KDM2A: variants seen among roughly 807,000 people sequenced by gnomAD.
KDM2A encodes the protein lysine demethylase 2A, also known as lysine-specific demethylase 2A.
A neutral mutation model predicts 137.3 loss-of-function variants in KDM2A; 3 were observed. The ratio of observed to expected loss-of-function variants is 0.02; its 90% CI spans 0.01 to 0.06. KDM2A has a LOEUF of 0.06. Ranked by LOEUF, KDM2A falls within the 10% of genes least tolerant of loss-of-function variation. The probability of loss-of-function intolerance (pLI) is 1.00; values close to 1 mark genes in which losing one functional copy is unlikely to be tolerated. For synonymous variants in KDM2A, 512 were observed against 541.5 expected (o/e 0.95, Z 0.76); for missense variants, 738 against 1,510.6 (o/e 0.49, Z 8.48).
At chr11:67,177,261 G>A (rs568826233) in intron 2 of KDM2A, among the ~76,000 whole-genome samples, 31 of 152,054 alleles carry the variant, frequency 2.0e-4, no homozygotes, top group Non-Finnish European at 3.7e-4. Context: ...GCAAGACTCC[G>A]TCTCAAAAAA....
chr11:67,188,118 G>A (rs1857252856), intron 5 of KDM2A, among the ~76,000 whole-genome samples: 1 of 152,154 alleles, frequency 6.6e-6, no homozygotes, highest in Non-Finnish European at 1.5e-5. Flanking sequence ...TTGAGCCCAG[G>A]AGTTTGAGGC....
At chr11:67,202,773 C>T (rs1857668356) in intron 5 of KDM2A, among the ~76,000 whole-genome samples, 1 of 150,242 alleles carries the variant, frequency 6.7e-6, no homozygotes, top group Non-Finnish European at 1.5e-5. Context: ...GAGACTTCGT[C>T]TCAAAAAAAA....
intron 2 of KDM2A, among the ~76,000 whole-genome samples, chr11:67,123,721 G>C (rs574591783): frequency 1.3e-4 from 19 of 151,652 alleles, no homozygotes; most frequent in African/African-American, 4.6e-4. Context: ...TTGTCACCCA[G>C]GCTGGTGTCC....
intron 2 of KDM2A, among the ~76,000 whole-genome samples, chr11:67,136,182 TACTC>T (rs1392764336): frequency 6.6e-6 from 1 of 152,192 alleles, no homozygotes; most frequent in African/African-American, 2.4e-5. Flanking sequence ...ATTTTCGATA[TACTC>T]ACTAATTTAA....
intron 2 of KDM2A, among the ~76,000 whole-genome samples, chr11:67,177,871 G>A (rs1256141043): frequency 4.6e-5 from 7 of 152,140 alleles, no homozygotes; most frequent in Non-Finnish European, 1.5e-5. Flanking sequence ...TGCCACAAAC[G>A]AGAGTAATGT....
intron 8 of KDM2A, among the ~76,000 whole-genome samples, chr11:67,216,748 G>T (rs533535725): frequency 2.0e-4 from 31 of 152,054 alleles, no homozygotes; most frequent in Non-Finnish European, 3.8e-4. Context: ...TGGAGAAAGT[G>T]CATCTCTACT....
chr11:67,215,295 C>T (rs1393579126), intron 6 of KDM2A, 45 bp from the exon 7 acceptor site: 1 of 1,299,076 alleles, frequency 7.7e-7, no homozygotes, highest in Non-Finnish European at 1.1e-6. Context: ...TCTTTGACCC[C>T]AACCTTTCCC....
chr11:67,236,770 G>GA (rs1358604254), intron 12 of KDM2A, among the ~76,000 whole-genome samples: 1 of 152,156 alleles, frequency 6.6e-6, no homozygotes, highest in East Asian at 1.9e-4. Flanking sequence ...ATTACAGCCA[G>GA]AAAAAAGTTA....
At chr11:67,153,022 C>G (rs1856430696) in intron 2 of KDM2A, among the ~76,000 whole-genome samples, 1 of 149,292 alleles carries the variant, frequency 6.7e-6, no homozygotes, top group Non-Finnish European at 1.5e-5. Flanking sequence ...TTCACTCTTT[C>G]TGCCCAGGCT....
intron 2 of KDM2A, among the ~76,000 whole-genome samples, chr11:67,146,985 T>TGAAGACA (rs1856263275): frequency 6.6e-6 from 1 of 152,118 alleles, no homozygotes; most frequent in South Asian, 2.1e-4. Flanking sequence ...TGAACCTCAC[T>TGAAGACA]GAAGACTAAG....
chr11:67,166,219 C>T (rs1397380838), intron 2 of KDM2A, among the ~76,000 whole-genome samples: 1 of 145,800 alleles, frequency 6.9e-6, no homozygotes, highest in African/African-American at 2.5e-5. Flanking sequence ...CAGTCTCACT[C>T]TATCGCCTAG....
intron 5 of KDM2A, among the ~76,000 whole-genome samples, chr11:67,195,389 A>AAAT (rs1857454035): frequency 1.3e-5 from 2 of 150,378 alleles, no homozygotes; most frequent in Non-Finnish European, 3.0e-5. Context: ...AAAAAAAAAA[A>AAAT]AAAAAGTTGA....
Position 67,215,354 on chromosome 11 carries a change from C to T in KDM2A, c.501C>T (p.Asp167=). ...TCTATTTAAAGGTGGATTTCATTGACTGGGTAGACAACATGTGGCCAAGGC... is the reference window on the plus strand; with the variant it reads ...TCTATTTAAAGGTGGATTTCATTGATTGGGTAGACAACATGTGGCCAAGGC... ...VQRPSTVDFI[D]WVDNMWPRHL... is the part of the protein sequence containing the mutation. Residue 167 remains aspartate (D), a synonymous_variant, in exon 7 of 21, where the codon GAC becomes GAT. Transcript: ENST00000529006. 2 of 1,611,986 alleles carry T rather than the reference C, an allele frequency of 1.2e-6. No homozygotes were observed. The highest frequency in any genetic ancestry group is 1.7e-6 in the Non-Finnish European group (2 of 1,178,370).
At chr11:67,252,477 A>G in intron 17 of KDM2A, 4 of 573,668 alleles carry the variant, frequency 7.0e-6, no homozygotes, top group Non-Finnish European at 9.4e-6. Context: ...GTTATATACT[A>G]TCAACATGTA....
intron 5 of KDM2A, among the ~76,000 whole-genome samples, chr11:67,184,627 A>C (rs746924785): frequency 2.6e-5 from 4 of 152,108 alleles, no homozygotes. Flanking sequence ...ACTCATCTCA[A>C]AAAAAGGTGA....
chr11:67,151,593 T>G (rs1457752721), intron 2 of KDM2A, among the ~76,000 whole-genome samples: 1 of 152,006 alleles, frequency 6.6e-6, no homozygotes, highest in East Asian at 1.9e-4. Flanking sequence ...TCAGGTGATC[T>G]GCCCACCTCC....
At chr11:67,206,111 CTAAG>C (rs1857797731) in intron 5 of KDM2A, among the ~76,000 whole-genome samples, 1 of 152,152 alleles carries the variant, frequency 6.6e-6, no homozygotes, top group Non-Finnish European at 1.5e-5. Flanking sequence ...TATAACTTGT[CTAAG>C]TAGTATAGGA....
intron 6 of KDM2A, among the ~76,000 whole-genome samples, chr11:67,210,591 T>C (rs1857949839): frequency 6.6e-6 from 1 of 152,138 alleles, no homozygotes; most frequent in Admixed American, 6.5e-5. Context: ...GAAGAACCTA[T>C]GAGAGGGCTC....
At chr11:67,132,688 G>A (rs1855880821) in intron 2 of KDM2A, among the ~76,000 whole-genome samples, 2 of 152,184 alleles carry the variant, frequency 1.3e-5, no homozygotes, top group Admixed American at 1.3e-4. Flanking sequence ...CAAATAGCTT[G>A]CCTTTTGAGG....
Sources: allele counts gnomAD v4.1 joint callset (sites outside exome capture counted in the v4.1 genomes callset), GRCh38; gene constraint gnomAD v4.1.1; transcripts MANE v1.5; gene names NCBI Gene and HGNC (gene_info 2026-07-23, HGNC 2026-07-21).